The following CLSTN2 variants were observed in gnomAD, a reference collection of about 807,000 sequenced individuals.
CLSTN2 encodes calsyntenin 2, also known as calsyntenin-2.
A neutral mutation model predicts 101.2 loss-of-function variants in CLSTN2; 48 were observed. That is an observed-to-expected ratio of 0.47 (90% CI 0.38 to 0.60). The LOEUF (loss-of-function observed/expected upper bound fraction) is 0.60, where lower values mean the gene tolerates loss of function less well. Among genes scored for constraint, CLSTN2 ranks in the 20% least tolerant of loss-of-function variants. The pLI is 0.00. For missense variants in CLSTN2, 1,160 were observed against 1,238.2 expected (o/e 0.94, Z 0.95); for synonymous variants, 481 against 463.6 (o/e 1.04, Z -0.48).
intron 1 of CLSTN2, among the ~76,000 whole-genome samples, chr3:140,162,197 C>A (rs1354829297): frequency 6.6e-6 from 1 of 152,104 alleles, no homozygotes; most frequent in African/African-American, 2.4e-5. Flanking sequence ...TAATTTTGAC[C>A]TTGTGAACCC....
chr3:140,402,252 C>G (rs1006172200), intron 2 of CLSTN2, among the ~76,000 whole-genome samples: 4 of 152,096 alleles, frequency 2.6e-5, no homozygotes. Context: ...TCCAGGCAAT[C>G]CATGGAGTGG....
At chr3:139,942,063 C>A (rs185912138) in intron 1 of CLSTN2, among the ~76,000 whole-genome samples, 56 of 152,278 alleles carry the variant, frequency 3.7e-4, no homozygotes, top group Admixed American at 1.1e-3. Flanking sequence ...GGGTTCCCCT[C>A]TTCACACAGG....
At chr3:140,385,713 G>A (rs559567587) in intron 2 of CLSTN2, among the ~76,000 whole-genome samples, 13 of 152,154 alleles carry the variant, frequency 8.5e-5, no homozygotes, top group East Asian at 5.8e-4. Flanking sequence ...ATTTCAGAGC[G>A]GGGCTTCTCT....
chr3:139,963,385 C>T (rs1194663734), intron 1 of CLSTN2, among the ~76,000 whole-genome samples: 1 of 152,074 alleles, frequency 6.6e-6, no homozygotes, highest in Non-Finnish European at 1.5e-5. Flanking sequence ...TCCTACTTTT[C>T]CAATCACATT....
intron 2 of CLSTN2, among the ~76,000 whole-genome samples, chr3:140,388,624 A>G (rs186782939): frequency 6.6e-6 from 1 of 152,328 alleles, no homozygotes; most frequent in Admixed American, 6.5e-5. Context: ...GCTTATGATT[A>G]TTTCATGACA....
chr3:140,360,027 C>CACACAT (rs1553736151), intron 2 of CLSTN2, among the ~76,000 whole-genome samples: 1 of 145,300 alleles, frequency 6.9e-6, no homozygotes, highest in African/African-American at 2.6e-5. Context: ...CACACACACA[C>CACACAT]ATATATATAT....
chr3:140,043,375 A>C (rs142085659), intron 1 of CLSTN2, among the ~76,000 whole-genome samples: 1 of 151,564 alleles, frequency 6.6e-6, no homozygotes, highest in Admixed American at 6.6e-5. Context: ...GGGGTTGTTT[A>C]TTTTTTTCTT....
intron 4 of CLSTN2, among the ~76,000 whole-genome samples, chr3:140,405,233 A>ACT (rs2088289916): frequency 1.3e-5 from 2 of 149,370 alleles, no homozygotes; most frequent in South Asian, 2.1e-4. Context: ...TTCATTCAGG[A>ACT]TTTTTTTTTT....
intron 2 of CLSTN2, among the ~76,000 whole-genome samples, chr3:140,389,280 G>A (rs572790099): frequency 8.5e-5 from 13 of 152,142 alleles, no homozygotes; most frequent in East Asian, 1.9e-4. Flanking sequence ...TTATTCTGAC[G>A]TGCTCCCTCC....
chr3:140,484,263 C>G lies in CLSTN2; in HGVS notation c.1344+17532C>G, dbSNP rs144295467. On this transcript the variant is annotated intron_variant, in intron 8 of 16. Coordinates refer to ENST00000458420, the MANE Select transcript of CLSTN2 (RefSeq NM_022131.3). ...GATATGAAATTCTGGGTTGAAAATT[C>G]TTTTCTTTAAGAATGTCGAATATTG... Among the ~76,000 whole-genome samples the G allele has an allele frequency of 4.4e-3, 675 of 152,248 alleles. 5 individuals are homozygous for G. Among genetic ancestry groups the G allele is most frequent in the African/African-American group, 0.015 (632 of 41,536 alleles).
rs188839026 is a variant in CLSTN2, at chr3:140,202,212, C to T, written c.232+26139C>T. On this transcript the variant is annotated intron_variant, in intron 2 of 16. Coordinates refer to ENST00000458420, the MANE Select transcript of CLSTN2 (RefSeq NM_022131.3). ...CTTACATTGTGATAGGGCCTCTCTG[C>T]TCCTATATTGAGAAGAGGTTACAGG... Among the ~76,000 whole-genome samples, 24 of 152,280 alleles carry T rather than the reference C, an allele frequency of 1.6e-4. No homozygotes were observed. The East Asian group carries it at 3.7e-3, about 23-fold the overall frequency.
At chr3:140,369,654 G>A (rs542981566) in intron 2 of CLSTN2, among the ~76,000 whole-genome samples, 40 of 152,162 alleles carry the variant, frequency 2.6e-4, no homozygotes, top group African/African-American at 8.0e-4. Context: ...AATATTAGCC[G>A]AGCCACTTTG....
chr3:140,311,747 A>C (rs2087170620), intron 2 of CLSTN2, among the ~76,000 whole-genome samples: 1 of 152,184 alleles, frequency 6.6e-6, no homozygotes, highest in South Asian at 2.1e-4. Flanking sequence ...GAGACACGAG[A>C]CATGGGGTGT....
At chr3:140,099,026 C>T (rs1162463015) in intron 1 of CLSTN2, among the ~76,000 whole-genome samples, 2 of 152,114 alleles carry the variant, frequency 1.3e-5, no homozygotes, top group African/African-American at 4.8e-5. Context: ...TGGTGATGTG[C>T]GTGCCAGATG....
chr3:140,478,719 T>A (rs1391733717), intron 8 of CLSTN2, among the ~76,000 whole-genome samples: 1 of 151,364 alleles, frequency 6.6e-6, no homozygotes, highest in Non-Finnish European at 1.5e-5. Context: ...AACGAGTGAA[T>A]CTTATGATGC....
Position 140,458,611 on chromosome 3 carries a change from C to G in CLSTN2, c.974-910C>G, listed in dbSNP as rs556356773. Among the ~76,000 whole-genome samples, 3 of 152,288 alleles carry G rather than the reference C, an allele frequency of 2.0e-5. No homozygotes were observed. The East Asian group carries it at 5.8e-4, about 29-fold the overall frequency. On this transcript the variant is annotated intron_variant, in intron 6 of 16. Transcript: ENST00000458420. ...CCCCTCCACAAAGTTGGTGATTCTT[C>G]TAAAATAAACCTGCCCCCACTCCTG...
At chr3:140,155,559 G>A (rs189766930) in intron 1 of CLSTN2, among the ~76,000 whole-genome samples, 1 of 152,306 alleles carries the variant, frequency 6.6e-6, no homozygotes, top group East Asian at 1.9e-4. Context: ...TAAGAAAAGA[G>A]CAGGTTACTC....
At chr3:140,358,092 G>A (rs555210323) in intron 2 of CLSTN2, among the ~76,000 whole-genome samples, 5 of 152,186 alleles carry the variant, frequency 3.3e-5, no homozygotes, top group South Asian at 4.1e-4. Context: ...GCTGGGCAGG[G>A]TAGGACTCCC....
chr3:140,552,400 T>TA (rs1168374815), intron 10 of CLSTN2, among the ~76,000 whole-genome samples: 8 of 56,812 alleles, frequency 1.4e-4, no homozygotes, highest in Non-Finnish European at 2.6e-4. Flanking sequence ...ATACCGCAGT[T>TA]TAAAAAAAAA....
Sources: gnomAD v4.1 joint callset for allele counts (sites outside exome capture counted in the v4.1 genomes callset) on GRCh38, gnomAD v4.1.1 for gene constraint, MANE v1.5 for transcripts, NCBI Gene and HGNC (gene_info 2026-07-23, HGNC 2026-07-21) for gene names.